MAFA: variants seen among roughly 807,000 people sequenced by gnomAD.
MAFA encodes transcription factor MafA.
For synonymous variants in MAFA, 244 were observed against 260.3 expected, an observed-to-expected ratio of 0.94 and a Z score of 0.60; for missense variants, 547 against 538.0, an observed-to-expected ratio of 1.02 and a Z score of -0.16.
In MAFA at chr8:143,429,623, G is replaced by C. The variant is rs1362446120; in HGVS notation, c.784C>G (p.Leu262Val). 2 of 1,594,884 alleles carry C rather than the reference G, an allele frequency of 1.3e-6. No individual in the cohort carries two copies. Among genetic ancestry groups the C allele is most frequent in the Non-Finnish European group, 1.7e-6 (2 of 1,176,578 alleles). Residue 262 changes from leucine to valine, a missense_variant, in exon 1 of 1, where the codon CTC (leucine) becomes GTC (valine). Physicochemically the swap from Leu to Val is conservative, Grantham distance 32. Coordinates refer to ENST00000333480, the MANE Select transcript of MAFA (RefSeq NM_201589.4). This position sits in a 1 kb window ranked among gnomAD's most constrained non-coding sequence, Gnocchi z 5.9. ...VIRLKQKRRT[L>V]KNRGYAQSCR... is the part of the protein sequence containing the mutation. ...GACTGCGCGTAGCCGCGGTTCTTGA[G>C]CGTGCGCCGCTTCTGCTTGAGCCGG... is the stretch of plus-strand genomic sequence containing the variant.
Position 143,429,311 on chromosome 8 carries a change from C to A in MAFA, c.*34G>T. ...CCGAGAGGCCTGCGCGAACTTGTCC[C>A]CGGCGACGGCGGCGCGGGCTCGGGG... On this transcript the variant is annotated 3_prime_UTR_variant, in exon 1 of 1. Coordinates refer to ENST00000333480, the MANE Select transcript of MAFA (RefSeq NM_201589.4). This position sits in a 1 kb window ranked among gnomAD's most constrained non-coding sequence, Gnocchi z 5.9. The A allele has an allele frequency of 7.6e-7, 1 of 1,310,344 alleles. No individual in the cohort carries two copies. 81.2% of individuals were successfully genotyped at this position (1,310,344 alleles called of 1,614,324 possible). A position where few individuals can be genotyped will look rare whatever the true frequency, so the allele number is the denominator to read the frequency against.
chr8:143,429,354 G>T lies in MAFA; in HGVS notation c.1053C>A (p.Phe351Leu), dbSNP rs562440203. 2.3e-4 allele frequency: 314 copies of T among 1,370,986 alleles called. 2 individuals are homozygous for T. In the African/African-American group the frequency reaches 4.5e-3, roughly 20 times the overall value. The allele number at this position is 1,370,986 out of a possible 1,614,324, so 84.9% of individuals were successfully genotyped here. Reference sequence around the variant, plus strand: ...GCTCGGGGTCCGGCGCCTACAGGAAGAAGTCGGCCGTGCCCTTGGCCCCGC... The same window carrying T: ...GCTCGGGGTCCGGCGCCTACAGGAATAAGTCGGCCGTGCCCTTGGCCCCGC... ...GPGGAKGTAD[F>L]FL The change falls in exon 1 of 1, where the codon TTC becomes TTA. Residue 351 changes from phenylalanine (F) to leucine (L), a missense_variant. Transcript: ENST00000333480. The surrounding 1 kb of genome is among the most constrained non-coding windows in gnomAD (Gnocchi z 5.9).
At position 143,429,036 on chromosome 8, in the gene MAFA, T is replaced by C. The variant is rs938566423; in HGVS notation, c.*309A>G. On this transcript the variant is annotated 3_prime_UTR_variant, in exon 1 of 1. Coordinates refer to ENST00000333480, the MANE Select transcript of MAFA (RefSeq NM_201589.4). The surrounding 1 kb of genome is among the most constrained non-coding windows in gnomAD (Gnocchi z 5.9). ...TCCCTCTAGGCTGGCAGGGCGAAGG[T>C]GGGAACGGAGAACCACGTTCAACGT... 2 of 219,142 alleles carry C rather than the reference T, an allele frequency of 9.1e-6. No homozygotes were observed. The highest frequency in any genetic ancestry group is 1.8e-5 in the Non-Finnish European group (2 of 113,262). The allele number at this position is 219,142 out of a possible 1,614,324, so 13.6% of individuals were successfully genotyped here.
rs1228675409 is a variant in MAFA, at chr8:143,430,679, G to GGGACCGCTCCC, written c.-284_-274dup. On this transcript the variant is annotated 5_prime_UTR_variant, in exon 1 of 1. Transcript: ENST00000333480. ...CGCGGCCGCCGCCTCGGGCTGCTCCGGGACCGCTCCCGCGCCCCACCCGCG... is the reference window on the plus strand; with the variant it reads ...CGCGGCCGCCGCCTCGGGCTGCTCCGGGACCGCTCCCGGACCGCTCCCGCGCCCCACCCGCG... Among the ~76,000 whole-genome samples the GGGACCGCTCCC allele has an allele frequency of 8.3e-6, 1 of 120,310 alleles. No homozygotes were observed. The highest frequency in any genetic ancestry group is 2.0e-5 in the Non-Finnish European group (1 of 50,988). 78.9% of individuals were successfully genotyped at this position (120,310 alleles called of 152,430 possible).
In MAFA at chr8:143,430,477, C is replaced by G. The variant is rs1336921501; in HGVS notation, c.-71G>C. 2 of 497,078 alleles carry G rather than the reference C, an allele frequency of 4.0e-6. No individual in the cohort carries two copies. Among genetic ancestry groups the G allele is most frequent in the Non-Finnish European group, 5.3e-6 (2 of 376,706 alleles). The allele number at this position is 497,078 out of a possible 1,614,324, so 30.8% of individuals were successfully genotyped here. Reference sequence around the variant, plus strand: ...GTGGGGGGGGAGCTGCAGGCCTCTCCCCCCCCTGCTCCCCGCGGGCGGCGG... The same window carrying G: ...GTGGGGGGGGAGCTGCAGGCCTCTCGCCCCCCTGCTCCCCGCGGGCGGCGG... On this transcript the variant is annotated 5_prime_UTR_variant, in exon 1 of 1. Transcript: ENST00000333480.
At position 143,430,151 on chromosome 8, in the gene MAFA, C is replaced by G; in HGVS notation, c.256G>C (p.Gly86Arg). 1 of 1,101,672 alleles carries G rather than the reference C, an allele frequency of 9.1e-7. No individual in the cohort carries two copies. Among genetic ancestry groups the G allele is most frequent in the Non-Finnish European group, 1.1e-6 (1 of 909,270 alleles). The allele number at this position is 1,101,672 out of a possible 1,614,324, so 68.2% of individuals were successfully genotyped here. Residue 86 changes from glycine (G) to arginine (R), a missense_variant, in exon 1 of 1, where the codon GGC becomes CGC. By Grantham distance (125) the Gly-to-Arg change is moderately radical. Coordinates refer to ENST00000333480, the MANE Select transcript of MAFA (RefSeq NM_201589.4). ...GGGGCGCCCCCGGCCTGAGACGAGC[C>G]GCCGCCGCCCCCCGCGCCGCCGCCG... is the stretch of plus-strand genomic sequence containing the variant. ...GGGGGAGGGG[G>R]SSQAGGAPGP...
chr8:143,428,834 C>A lies in MAFA; in HGVS notation c.*511G>T, dbSNP rs1819488257. The stretch of plus-strand genomic sequence containing the variant: ...GGACCCCGGCTGGGGAAAGAAGGGG[C>A]TTCCTCCAAGGTTTTCTTTTCTAAT... On this transcript the variant is annotated 3_prime_UTR_variant, in exon 1 of 1. Transcript: ENST00000333480. 1 of 152,212 alleles carries A rather than the reference C, an allele frequency of 6.6e-6. No homozygotes were observed. The highest frequency in any genetic ancestry group is 2.4e-5 in the African/African-American group (1 of 41,438). 9.4% of individuals were successfully genotyped at this position (152,212 alleles called of 1,614,324 possible).
At position 143,429,188 on chromosome 8, in the gene MAFA, G is replaced by T; in HGVS notation, c.*157C>A. The T allele has an allele frequency of 1.1e-6, 1 of 941,096 alleles. No homozygotes were observed. Among genetic ancestry groups the T allele is most frequent in the Non-Finnish European group, 1.4e-6 (1 of 731,600 alleles). 58.3% of individuals were successfully genotyped at this position (941,096 alleles called of 1,614,324 possible). ...CGCGAACGGGGACCGGGAGCGAAGG[G>T]GCCTCCAGCCCCGCGCCCGCAGACT... On this transcript the variant is annotated 3_prime_UTR_variant, in exon 1 of 1. Coordinates refer to ENST00000333480, the MANE Select transcript of MAFA (RefSeq NM_201589.4). The surrounding 1 kb of genome is among the most constrained non-coding windows in gnomAD (Gnocchi z 5.9).
chr8:143,430,388 T>G lies in MAFA; in HGVS notation c.19A>C (p.Met7Leu). Reference protein sequence around the residue: MAAELAMGAELPSSPLA... With the variant: MAAELALGAELPSSPLA... ...GGGCTGCTGGGCAGCTCGGCGCCCATCGCCAGCTCCGCGGCCATCGCCCGG... is the reference window on the plus strand; with the variant it reads ...GGGCTGCTGGGCAGCTCGGCGCCCAGCGCCAGCTCCGCGGCCATCGCCCGG... The change falls in exon 1 of 1, where the codon ATG (methionine) becomes CTG (leucine). Residue 7 changes from methionine to leucine, a missense_variant. Physicochemically the swap from Met to Leu is conservative, Grantham distance 15. Coordinates refer to ENST00000333480, the MANE Select transcript of MAFA (RefSeq NM_201589.4). 1 of 1,370,752 alleles carries G rather than the reference T, an allele frequency of 7.3e-7. No homozygotes were observed. 84.9% of individuals were successfully genotyped at this position (1,370,752 alleles called of 1,614,324 possible).
Position 143,429,698 on chromosome 8 carries a change from C to T in MAFA, c.709G>A (p.Val237Met). ...FSDDQLVSMSVRELNRQLRGF... is the reference protein window; with the variant it reads ...FSDDQLVSMSMRELNRQLRGF... ...CGGAGCTGCCGGTTCAGCTCGCGCA[C>T]CGACATGGACACCAGCTGGTCGTCG... is the stretch of plus-strand genomic sequence containing the variant. The change falls in exon 1 of 1, where the codon GTG becomes ATG. Residue 237 changes from valine (V) to methionine (M), a missense_variant. Physicochemically the swap from Val to Met is conservative, Grantham distance 21. Coordinates refer to ENST00000333480, the MANE Select transcript of MAFA (RefSeq NM_201589.4). This position sits in a 1 kb window ranked among gnomAD's most constrained non-coding sequence, Gnocchi z 5.9. The T allele has an allele frequency of 6.4e-7, 1 of 1,569,220 alleles. No individual in the cohort carries two copies. The highest frequency in any genetic ancestry group is 8.6e-7 in the Non-Finnish European group (1 of 1,165,322).
At position 143,429,381 on chromosome 8, in the gene MAFA, G is replaced by C; in HGVS notation, c.1026C>G (p.Pro342=). The C allele has an allele frequency of 7.0e-7, 1 of 1,418,816 alleles. No individual in the cohort carries two copies. Among genetic ancestry groups the C allele is most frequent in the Non-Finnish European group, 9.1e-7 (1 of 1,097,984 alleles). The allele number at this position is 1,418,816 out of a possible 1,614,324, so 87.9% of individuals were successfully genotyped here. Residue 342 remains proline, a synonymous_variant, in exon 1 of 1, where the codon CCC becomes CCG. Transcript: ENST00000333480. The surrounding 1 kb of genome is among the most constrained non-coding windows in gnomAD (Gnocchi z 5.9). ...PREPSPPQAG[P]GGAKGTADFF... is the part of the protein sequence containing the mutation. The stretch of plus-strand genomic sequence containing the variant: ...AGTCGGCCGTGCCCTTGGCCCCGCC[G>C]GGACCGGCCTGCGGCGGCGAAGGCT...
rs1252579158 is a variant in MAFA at position 143,429,223 on chromosome 8, G to C, written c.*122C>G. ...CCCGCGCCCGCAGACTTGGCACCGG[G>C]GCCAGCACGGCCGGGCCGGGCCTGG... On this transcript the variant is annotated 3_prime_UTR_variant, in exon 1 of 1. Transcript: ENST00000333480. The surrounding 1 kb of genome is among the most constrained non-coding windows in gnomAD (Gnocchi z 5.9). 7 of 1,177,376 alleles carry C rather than the reference G, an allele frequency of 5.9e-6. No homozygotes were observed. Among genetic ancestry groups the C allele is most frequent in the Non-Finnish European group, 7.4e-6 (7 of 945,082 alleles). 72.9% of individuals were successfully genotyped at this position (1,177,376 alleles called of 1,614,324 possible).
Position 143,429,757 on chromosome 8 carries a change from G to C in MAFA, c.650C>G (p.Ala217Gly). The C allele has an allele frequency of 6.5e-7, 1 of 1,535,910 alleles. No individual in the cohort carries two copies. Among genetic ancestry groups the C allele is most frequent in the Non-Finnish European group, 8.7e-7 (1 of 1,147,440 alleles). ...CTCCTCCAGGCGCACGTGGTGGCCC[G>C]CGCCACCGCCGTGTCCCGCGCCGCC... The part of the protein sequence containing the change: ...HHGGAGHGGG[A>G]GHHVRLEERF... Residue 217 changes from alanine to glycine, a missense_variant, in exon 1 of 1, where the codon GCG becomes GGG. Coordinates refer to ENST00000333480, the MANE Select transcript of MAFA (RefSeq NM_201589.4). This position sits in a 1 kb window ranked among gnomAD's most constrained non-coding sequence, Gnocchi z 5.9.
Position 143,430,117 on chromosome 8 carries a change from G to A in MAFA, c.290C>T (p.Pro97Leu). 1 of 1,105,454 alleles carries A rather than the reference G, an allele frequency of 9.0e-7. No individual in the cohort carries two copies. 68.5% of individuals were successfully genotyped at this position (1,105,454 alleles called of 1,614,324 possible). The change falls in exon 1 of 1, where the codon CCG (proline) becomes CTG (leucine). Residue 97 changes from proline to leucine, a missense_variant. Coordinates refer to ENST00000333480, the MANE Select transcript of MAFA (RefSeq NM_201589.4). ...CCCGACGGCGCCGGGGCCCCCGCTC[G>A]GCGGCCCGGGGGCGCCCCCGGCCTG... is the stretch of plus-strand genomic sequence containing the variant. ...SSQAGGAPGP[P>L]SGGPGAVGGT...
In MAFA at chr8:143,430,269, C is replaced by T. The variant is rs772330144; in HGVS notation, c.138G>A (p.Pro46=). 4.8e-6 allele frequency: 7 copies of T among 1,447,646 alleles called. No homozygotes were observed. The East Asian group carries it at 1.3e-4, about 27-fold the overall frequency. 89.7% of individuals were successfully genotyped at this position (1,447,646 alleles called of 1,614,324 possible). The part of the protein sequence containing the change: ...PEAERFCHRL[P]PGSLSSTPLS... ...GCGGCGTCGAGGACAGCGAGCCTGG[C>T]GGCAGGCGGTGGCAGAAGCGCTCGG... Residue 46 remains proline, a synonymous_variant, in exon 1 of 1, where the codon CCG becomes CCA. Transcript: ENST00000333480.
rs1243428122 is a variant in MAFA at position 143,429,724 on chromosome 8, G to A, written c.683C>T (p.Ser228Phe). The change falls in exon 1 of 1, where the codon TCC becomes TTC. Residue 228 changes from serine (S) to phenylalanine (F), a missense_variant. Coordinates refer to ENST00000333480, the MANE Select transcript of MAFA (RefSeq NM_201589.4). This position sits in a 1 kb window ranked among gnomAD's most constrained non-coding sequence, Gnocchi z 5.9. ...CGACATGGACACCAGCTGGTCGTCG[G>A]AGAAGCGCTCCTCCAGGCGCACGTG... ...GHHVRLEERFSDDQLVSMSVR... is the reference protein window; with the variant it reads ...GHHVRLEERFFDDQLVSMSVR... The A allele has an allele frequency of 1.4e-5, 21 of 1,555,220 alleles. No homozygotes were observed. Among genetic ancestry groups the A allele is most frequent in the Non-Finnish European group, 1.8e-5 (21 of 1,157,734 alleles).
In MAFA at chr8:143,429,858, G is replaced by A; in HGVS notation, c.549C>T (p.Gly183=). 7.2e-7 allele frequency: 1 copy of A among 1,380,182 alleles called. No individual in the cohort carries two copies. Among genetic ancestry groups the A allele is most frequent in the Non-Finnish European group, 9.3e-7 (1 of 1,074,988 alleles). 85.5% of individuals were successfully genotyped at this position (1,380,182 alleles called of 1,614,324 possible). The part of the protein sequence containing the change: ...GGGGADDMGA[G]HHHGAHHAAH... ...CGGCGTGGTGCGCGCCGTGGTGGTG[G>A]CCGGCGCCCATGTCGTCCGCTCCGC... is the stretch of plus-strand genomic sequence containing the variant. Residue 183 remains glycine, a synonymous_variant, in exon 1 of 1, where the codon GGC becomes GGT. Transcript: ENST00000333480. This position sits in a 1 kb window ranked among gnomAD's most constrained non-coding sequence, Gnocchi z 5.9.
In MAFA at chr8:143,429,442, C is replaced by A. The variant is rs762213071; in HGVS notation, c.965G>T (p.Gly322Val). The change falls in exon 1 of 1, where the codon GGC (glycine) becomes GTC (valine). Residue 322 changes from glycine (G) to valine (V), a missense_variant. Physicochemically the swap from Gly to Val is moderately radical, Grantham distance 109 (BLOSUM62 -3). Transcript: ENST00000333480. This position sits in a 1 kb window ranked among gnomAD's most constrained non-coding sequence, Gnocchi z 5.9. ...EKYEKLAGRG[G>V]PGSAGGAGFP... The stretch of plus-strand genomic sequence containing the variant: ...ACCGGCCCCGCCCGCGCTCCCGGGG[C>A]CGCCCCGGCCCGCCAGCTTCTCGTA... 7.0e-6 allele frequency: 11 copies of A among 1,565,008 alleles called. No homozygotes were observed. In the African/African-American group the frequency reaches 1.4e-4, roughly 20 times the overall value.
In MAFA at chr8:143,429,650, T is replaced by G. The variant is rs371413333; in HGVS notation, c.757A>C (p.Ile253Leu). 2.5e-5 allele frequency: 40 copies of G among 1,588,034 alleles called. No homozygotes were observed. The highest frequency in any genetic ancestry group is 6.8e-5 in the East Asian group (3 of 43,972). The change falls in exon 1 of 1, where the codon ATC (isoleucine) becomes CTC (leucine). Residue 253 changes from isoleucine (I) to leucine (L), a missense_variant. Physicochemically the swap from Ile to Leu is conservative, Grantham distance 5 (BLOSUM62 2). Transcript: ENST00000333480. This position sits in a 1 kb window ranked among gnomAD's most constrained non-coding sequence, Gnocchi z 5.9. ...QLRGFSKEEV[I>L]RLKQKRRTLK... ...GTGCGCCGCTTCTGCTTGAGCCGGA[T>G]GACCTCCTCCTTGCTGAAGCCGCGG...
Sources: gnomAD v4.1 joint callset for allele counts (sites outside exome capture counted in the v4.1 genomes callset) on GRCh38, gnomAD v4.1.1 for gene constraint, Gnocchi (gnomAD v3.1) non-coding constraint, MANE v1.5 for transcripts, NCBI Gene and HGNC (gene_info 2026-07-23, HGNC 2026-07-21) for gene names.